Variants in OPCML observed in about 807,000 individuals in gnomAD.
OPCML encodes opioid binding protein/cell adhesion molecule like, also known as opioid-binding protein/cell adhesion molecule.
Under a neutral mutation model 37.8 loss-of-function variants are expected in OPCML, and 13 were observed. The observed-to-expected ratio is 0.34, with a 90% confidence interval of 0.22 to 0.55. OPCML has a LOEUF of 0.55. OPCML is among the 20% of genes least tolerant of loss of function. OPCML has a pLI of 0.91. For missense variants in OPCML, 341 were observed against 435.6 expected (o/e 0.78, Z 1.93); for synonymous variants, 176 against 168.8 (o/e 1.04, Z -0.33).
chr11:132,673,381 G>A (rs1445047188), intron 2 of OPCML, among the ~76,000 whole-genome samples: 1 of 152,166 alleles, frequency 6.6e-6, no homozygotes, highest in Admixed American at 6.5e-5. Context: ...TGGGGCATCA[G>A]ACATGAGGAA....
intron 1 of OPCML, among the ~76,000 whole-genome samples, chr11:133,410,513 C>T (rs185031250): frequency 1.3e-5 from 2 of 151,260 alleles, no homozygotes; most frequent in African/African-American, 2.4e-5. Flanking sequence ...TCGAGAAAGG[C>T]TGCATAGCAT....
chr11:132,893,135 G>A (rs988924636), intron 2 of OPCML, among the ~76,000 whole-genome samples: 3 of 152,138 alleles, frequency 2.0e-5, no homozygotes, highest in South Asian at 2.1e-4. Context: ...ACCCTTCGTT[G>A]TCACAGAACT....
intron 2 of OPCML, among the ~76,000 whole-genome samples, chr11:132,782,931 A>G (rs983510134): frequency 3.4e-5 from 5 of 146,486 alleles, no homozygotes; most frequent in African/African-American, 7.4e-5. Context: ...ATATATATAT[A>G]TATATATATA....
At chr11:132,989,241 C>T (rs1286387702) in intron 1 of OPCML, among the ~76,000 whole-genome samples, 4 of 152,044 alleles carry the variant, frequency 2.6e-5, no homozygotes, top group Non-Finnish European at 5.9e-5. Flanking sequence ...GCCTAGTCAC[C>T]AACATAAAAA....
intron 2 of OPCML, among the ~76,000 whole-genome samples, chr11:132,779,528 A>G (rs1244189440): frequency 6.7e-6 from 1 of 150,108 alleles, no homozygotes; most frequent in Non-Finnish European, 1.5e-5. Flanking sequence ...TATATTTTTC[A>G]AGTTGTGAGT....
chr11:132,710,609 T>C (rs927599970), intron 2 of OPCML, among the ~76,000 whole-genome samples: 28 of 152,106 alleles, frequency 1.8e-4, no homozygotes, highest in African/African-American at 6.5e-4. Flanking sequence ...TCCCAGCACT[T>C]TGGGAGGCCA....
At chr11:132,726,893 T>C (rs1944905982) in intron 2 of OPCML, among the ~76,000 whole-genome samples, 1 of 152,062 alleles carries the variant, frequency 6.6e-6, no homozygotes, top group South Asian at 2.1e-4. Flanking sequence ...ACCAAACCCC[T>C]CCCTTTTTCT....
chr11:133,471,644 C>A (rs1406418498), intron 1 of OPCML, among the ~76,000 whole-genome samples: 1 of 152,026 alleles, frequency 6.6e-6, no homozygotes, highest in South Asian at 2.1e-4. Context: ...GAGTAAAAAA[C>A]CGGAGTGGAA....
intron 1 of OPCML, among the ~76,000 whole-genome samples, chr11:133,238,217 C>T (rs1592132288): frequency 6.6e-6 from 1 of 152,174 alleles, no homozygotes. Flanking sequence ...TCTGGGCTGT[C>T]TTCCTCAAAG....
At chr11:132,590,441 T>A (rs1186610515) in intron 3 of OPCML, among the ~76,000 whole-genome samples, 1 of 152,186 alleles carries the variant, frequency 6.6e-6, no homozygotes, top group African/African-American at 2.4e-5. Context: ...TTTAATCATC[T>A]ATGGCTTTCA....
chr11:133,276,436 G>T (rs1328510958), intron 1 of OPCML, among the ~76,000 whole-genome samples: 2 of 152,050 alleles, frequency 1.3e-5, no homozygotes, highest in Non-Finnish European at 2.9e-5. Flanking sequence ...AAGGATAGAG[G>T]GTGAGGTTTG....
chr11:133,303,360 C>G (rs1460521077), intron 1 of OPCML, among the ~76,000 whole-genome samples: 1 of 152,148 alleles, frequency 6.6e-6, no homozygotes, highest in Non-Finnish European at 1.5e-5. Flanking sequence ...AGAAGAGAAA[C>G]TCTAACAAAA....
At chr11:132,957,712 A>G (rs1031465414) in intron 1 of OPCML, among the ~76,000 whole-genome samples, 2 of 152,122 alleles carry the variant, frequency 1.3e-5, no homozygotes, top group Non-Finnish European at 2.9e-5. Context: ...TAACTATTGC[A>G]ATATTTCAAA....
At chr11:132,723,760 A>G (rs1426197238) in intron 2 of OPCML, among the ~76,000 whole-genome samples, 1 of 152,210 alleles carries the variant, frequency 6.6e-6, no homozygotes, top group Non-Finnish European at 1.5e-5. Context: ...AATCACATAC[A>G]TTAATCTATG....
chr11:132,825,846 T>C (rs1297672350), intron 2 of OPCML, among the ~76,000 whole-genome samples: 1 of 152,214 alleles, frequency 6.6e-6, no homozygotes, highest in Non-Finnish European at 1.5e-5. Context: ...GAAACAAAGC[T>C]AAGGAATATG....
At chr11:133,122,353 T>G (rs1198984422) in intron 1 of OPCML, among the ~76,000 whole-genome samples, 1 of 151,584 alleles carries the variant, frequency 6.6e-6, no homozygotes. Context: ...GTAAGAGTGG[T>G]AGGGTAAAGT....
intron 2 of OPCML, among the ~76,000 whole-genome samples, chr11:132,923,088 A>AAATC (rs1944866052): frequency 8.4e-6 from 1 of 119,720 alleles, no homozygotes; most frequent in African/African-American, 3.4e-5. Context: ...AAAAATAAAT[A>AAATC]AATAAATAAT....
chr11:133,362,954 G>C (rs996349612), intron 1 of OPCML, among the ~76,000 whole-genome samples: 7 of 152,228 alleles, frequency 4.6e-5, no homozygotes, highest in Non-Finnish European at 1.0e-4. Context: ...AGAGAAACCA[G>C]CGTGCTCTCT....
chr11:132,625,309 G>A (rs1323327383), intron 3 of OPCML, among the ~76,000 whole-genome samples: 1 of 152,108 alleles, frequency 6.6e-6, no homozygotes, highest in East Asian at 1.9e-4. Flanking sequence ...AATGTAGTAG[G>A]TTTCTTCAGA....
Sources: gnomAD v4.1 joint callset for allele counts (sites outside exome capture counted in the v4.1 genomes callset) on GRCh38, gnomAD v4.1.1 for gene constraint, MANE v1.5 for transcripts, NCBI Gene and HGNC (gene_info 2026-07-23, HGNC 2026-07-21) for gene names.